Variants in TNFSF13 observed in about 807,000 individuals in gnomAD.
TNFSF13 encodes the protein TNF superfamily member 13.
In TNFSF13, 18 loss-of-function variants were observed where a neutral mutation model predicts 30.7. That is an observed-to-expected ratio of 0.59 (90% CI 0.41 to 0.87). The LOEUF is 0.87. Ranked by LOEUF, TNFSF13 falls within the 40% of genes least tolerant of loss-of-function variation. The pLI is 0.00. For missense variants in TNFSF13, 286 were observed against 308.8 expected (o/e 0.93, Z 0.55); for synonymous variants, 116 against 123.2 (o/e 0.94, Z 0.39).
chr17:7,558,422 G>C (rs1051133871), upstream of TNFSF13: 2 of 152,212 alleles, frequency 1.3e-5, no homozygotes, highest in African/African-American at 4.8e-5. This position sits in a 1 kb window ranked among gnomAD's most constrained non-coding sequence, Gnocchi z 4.3. Context: ...GCCAATTTCA[G>C]CACAGGGAGT....
chr17:7,560,324 TC>T, intron 4 of TNFSF13, 25 bp from the exon 5 acceptor site: 5 of 1,612,292 alleles, frequency 3.1e-6, no homozygotes, highest in Non-Finnish European at 4.2e-6. Flanking sequence ...CATCCTGTTT[TC>T]TTCAACATCT....
chr17:7,560,926 T>G lies in TNFSF13; in HGVS notation c.*93T>G. On this transcript the variant is annotated 3_prime_UTR_variant, in exon 6 of 6. Coordinates refer to ENST00000338784, the MANE Select transcript of TNFSF13 (RefSeq NM_003808.4). ...CTGAGTATATAAAGGAGAGGGAATG[T>G]GCAGGAACAGAGGCGTCTTCCTGGG... 3 of 1,614,178 alleles carry G rather than the reference T, an allele frequency of 1.9e-6. No individual in the cohort carries two copies. The highest frequency in any genetic ancestry group is 2.5e-6 in the Non-Finnish European group (3 of 1,180,026).
In TNFSF13 at chr17:7,559,411, CAG is replaced by C; in HGVS notation, c.258+115_258+116del. On this transcript the variant is annotated intron_variant, in intron 1 of 5. Transcript: ENST00000338784. The surrounding 1 kb of genome is among the most constrained non-coding windows in gnomAD (Gnocchi z 5.4). The stretch of plus-strand genomic sequence containing the variant: ...AAGAGAGGGTCTCCGGTTTGGAAGT[CAG>C]GGGCGCGGCCATTCCAGGAAAGGAA... 6.9e-7 allele frequency: 1 copy of C among 1,443,644 alleles called. No individual in the cohort carries two copies. The highest frequency in any genetic ancestry group is 9.2e-7 in the Non-Finnish European group (1 of 1,090,626). The allele number at this position is 1,443,644 out of a possible 1,614,324, so 89.4% of individuals were successfully genotyped here.
At position 7,561,110 on chromosome 17, in the gene TNFSF13, G is replaced by C; in HGVS notation, c.*277G>C. The C allele has an allele frequency of 1.3e-6, 2 of 1,569,408 alleles. No individual in the cohort carries two copies. Among genetic ancestry groups the C allele is most frequent in the Non-Finnish European group, 1.7e-6 (2 of 1,144,976 alleles). On this transcript the variant is annotated 3_prime_UTR_variant, in exon 6 of 6. Coordinates refer to ENST00000338784, the MANE Select transcript of TNFSF13 (RefSeq NM_003808.4). The surrounding 1 kb of genome is among the most constrained non-coding windows in gnomAD (Gnocchi z 4.4). ...CCAGGCATTGTCCAGACCTGGTCGG[G>C]GCCCACTGGAAGCATCCAGAACAGC... is the stretch of plus-strand genomic sequence containing the variant.
chr17:7,560,217 A>G (rs775995631), intron 4 of TNFSF13, 50 bp downstream of exon 4: 2 of 1,613,002 alleles, frequency 1.2e-6, no homozygotes, highest in South Asian at 1.1e-5. Context: ...TTGGCCCCCT[A>G]CTGAGGGTTC....
At position 7,560,087 on chromosome 17, in the gene TNFSF13, C is replaced by T. The variant is rs1267189226; in HGVS notation, c.424C>T (p.Leu142Phe). 2.5e-6 allele frequency: 4 copies of T among 1,614,136 alleles called. No individual in the cohort carries two copies. Among genetic ancestry groups the T allele is most frequent in the African/African-American group, 2.7e-5 (2 of 75,030 alleles). Residue 142 changes from leucine to phenylalanine, a missense_variant, in exon 4 of 6, where the codon CTT becomes TTT. Coordinates refer to ENST00000338784, the MANE Select transcript of TNFSF13 (RefSeq NM_003808.4). ...GACAGAGGTGATGTGGCAACCAGCT[C>T]TTAGGCGTGGGAGAGGCCTACAGGC... ...DVTEVMWQPA[L>F]RRGRGLQAQG...
In TNFSF13 at chr17:7,559,750, G is replaced by A; in HGVS notation, c.337+48G>A. On this transcript the variant is annotated intron_variant, in intron 2 of 5. Transcript: ENST00000338784. This position sits in a 1 kb window ranked among gnomAD's most constrained non-coding sequence, Gnocchi z 5.4. ...GGGGTGGGAGGTGATCAAGCAGCGT[G>A]GGGATTGTAAGCCCGAGTCAGGGTG... 1 of 1,613,916 alleles carries A rather than the reference G, an allele frequency of 6.2e-7. No individual in the cohort carries two copies. Among genetic ancestry groups the A allele is most frequent in the Non-Finnish European group, 8.5e-7 (1 of 1,179,874 alleles).
Position 7,559,952 on chromosome 17 carries a change from G to A in TNFSF13, c.385+59G>A. ...GGGCAATAACCAGGAACTCGGGCTG[G>A]CACTTGGGCTCAAGGGGTCCTTATA... On this transcript the variant is annotated intron_variant, in intron 3 of 5. Transcript: ENST00000338784. This position sits in a 1 kb window ranked among gnomAD's most constrained non-coding sequence, Gnocchi z 5.4. 3.1e-6 allele frequency: 5 copies of A among 1,613,876 alleles called. No individual in the cohort carries two copies. The highest frequency in any genetic ancestry group is 4.2e-6 in the Non-Finnish European group (5 of 1,179,988).
At position 7,559,424 on chromosome 17, in the gene TNFSF13, A is replaced by G; in HGVS notation, c.258+127A>G. The G allele has an allele frequency of 7.0e-7, 1 of 1,428,488 alleles. No homozygotes were observed. The highest frequency in any genetic ancestry group is 9.3e-7 in the Non-Finnish European group (1 of 1,077,910). The allele number at this position is 1,428,488 out of a possible 1,614,324, so 88.5% of individuals were successfully genotyped here. ...CGGTTTGGAAGTCAGGGGCGCGGCC[A>G]TTCCAGGAAAGGAAACTGTTAAAGG... On this transcript the variant is annotated intron_variant, in intron 1 of 5. Transcript: ENST00000338784. This position sits in a 1 kb window ranked among gnomAD's most constrained non-coding sequence, Gnocchi z 5.4.
intron 5 of TNFSF13, 66 bp from the exon 6 acceptor site, chr17:7,560,658 G>A: frequency 1.9e-6 from 3 of 1,612,844 alleles, no homozygotes; most frequent in Non-Finnish European, 2.5e-6. Flanking sequence ...GCTGGAGAAG[G>A]CAGGGGGAAA....
chr17:7,560,178 C>A lies in TNFSF13; in HGVS notation c.504+11C>A. The A allele has an allele frequency of 5.6e-6, 9 of 1,613,930 alleles. No homozygotes were observed. Among genetic ancestry groups the A allele is most frequent in the South Asian group, 3.3e-5 (3 of 91,060 alleles). ...CTGCTGTATAGCCAGGTAACCCCAG[C>A]CACACTCTGAGCTTCACAGAGGGCC... On this transcript the variant is annotated intron_variant, in intron 4 of 5. Transcript: ENST00000338784.
Position 7,560,037 on chromosome 17 carries a change from T to A in TNFSF13, c.386-12T>A. ...TGCCAAGAAGTCCTGACCGACACACTCTCACCTCCAGATGACTCCGATGTG... is the reference window on the plus strand; with the variant it reads ...TGCCAAGAAGTCCTGACCGACACACACTCACCTCCAGATGACTCCGATGTG... On this transcript the variant is annotated splice_polypyrimidine_tract_variant and intron_variant, in intron 3 of 5. Coordinates refer to ENST00000338784, the MANE Select transcript of TNFSF13 (RefSeq NM_003808.4). 1 of 1,614,012 alleles carries A rather than the reference T, an allele frequency of 6.2e-7. No homozygotes were observed.
rs372033281 is a variant in TNFSF13 at position 7,560,057 on chromosome 17, G to T, written c.394G>T (p.Asp132Tyr). Residue 132 changes from aspartate (D) to tyrosine (Y), a missense_variant, in exon 4 of 6, where the codon GAT (aspartate) becomes TAT (tyrosine). Transcript: ENST00000338784. The part of the protein sequence containing the change: ...PINATSKDDS[D>Y]VTEVMWQPAL... ...CACACTCTCACCTCCAGATGACTCC[G>T]ATGTGACAGAGGTGATGTGGCAACC... is the stretch of plus-strand genomic sequence containing the variant. 29 of 1,614,136 alleles carry T rather than the reference G, an allele frequency of 1.8e-5. 1 individual carries two copies. The South Asian group carries it at 2.9e-4, about 16-fold the overall frequency.
Position 7,561,152 on chromosome 17 carries a change from C to T in TNFSF13, c.*319C>T, listed in dbSNP as rs2071196958. The stretch of plus-strand genomic sequence containing the variant: ...CAGAACAGCACCACCATCTAGCGGC[C>T]GCTCGAGGGAAGCACCCGCCGGTTG... On this transcript the variant is annotated 3_prime_UTR_variant, in exon 6 of 6. Transcript: ENST00000338784. This position sits in a 1 kb window ranked among gnomAD's most constrained non-coding sequence, Gnocchi z 4.4. The T allele has an allele frequency of 7.5e-7, 1 of 1,338,328 alleles. No individual in the cohort carries two copies. The highest frequency in any genetic ancestry group is 2.0e-5 in the Admixed American group (1 of 49,626). 82.9% of individuals were successfully genotyped at this position (1,338,328 alleles called of 1,614,324 possible).
Position 7,558,960 on chromosome 17 carries a change from C to A in TNFSF13, c.-80C>A. 7.0e-7 allele frequency: 1 copy of A among 1,434,760 alleles called. No homozygotes were observed. Among genetic ancestry groups the A allele is most frequent in the Non-Finnish European group, 9.2e-7 (1 of 1,082,534 alleles). The allele number at this position is 1,434,760 out of a possible 1,614,324, so 88.9% of individuals were successfully genotyped here. ...AACAACCTTCTTCCCTTCTGCACCA[C>A]TGCCCGTACCCTTACCCGCCCCGCC... is the stretch of plus-strand genomic sequence containing the variant. On this transcript the variant is annotated 5_prime_UTR_variant, in exon 1 of 6. The change creates a new upstream start codon in the 5' untranslated region. Transcript: ENST00000338784. This position sits in a 1 kb window ranked among gnomAD's most constrained non-coding sequence, Gnocchi z 4.3.
rs1378864456 is a variant in TNFSF13 at position 7,559,876 on chromosome 17, T to C, written c.368T>C (p.Ile123Thr). ...KQHSVLHLVP[I>T]NATSKDDSDV... is the part of the protein sequence containing the mutation. The stretch of plus-strand genomic sequence containing the variant: ...CACTCTGTCCTGCACCTGGTTCCCA[T>C]TAACGCCACCTCCAAGGGTGAGCAC... Residue 123 changes from isoleucine to threonine, a missense_variant, in exon 3 of 6, where the codon ATT becomes ACT. By Grantham distance (89) the Ile-to-Thr change is moderately conservative. Transcript: ENST00000338784. The surrounding 1 kb of genome is among the most constrained non-coding windows in gnomAD (Gnocchi z 5.4). 5.0e-6 allele frequency: 8 copies of C among 1,613,976 alleles called. No individual in the cohort carries two copies. The highest frequency in any genetic ancestry group is 5.9e-6 in the Non-Finnish European group (7 of 1,180,016).
chr17:7,560,552 T>C, intron 5 of TNFSF13, 64 bp downstream of exon 5: 1 of 1,611,550 alleles, frequency 6.2e-7, no homozygotes, highest in East Asian at 2.2e-5. Flanking sequence ...TGCAGGGAGC[T>C]ACCGCTAGGA....
At position 7,559,569 on chromosome 17, in the gene TNFSF13, G is replaced by A. The variant is rs1244574042; in HGVS notation, c.259-55G>A. On this transcript the variant is annotated intron_variant, in intron 1 of 5. Coordinates refer to ENST00000338784, the MANE Select transcript of TNFSF13 (RefSeq NM_003808.4). The surrounding 1 kb of genome is among the most constrained non-coding windows in gnomAD (Gnocchi z 5.4). ...GGGGCAGGGGAGGGCTGGGAAGGCA[G>A]GCTGGCTGGGACCCTCGCATCTTAA... is the stretch of plus-strand genomic sequence containing the variant. 2 of 1,588,756 alleles carry A rather than the reference G, an allele frequency of 1.3e-6. No individual in the cohort carries two copies. Among genetic ancestry groups the A allele is most frequent in the Non-Finnish European group, 1.7e-6 (2 of 1,166,768 alleles).
chr17:7,560,991 C>A lies in TNFSF13; in HGVS notation c.*158C>A. On this transcript the variant is annotated 3_prime_UTR_variant, in exon 6 of 6. Transcript: ENST00000338784. Reference sequence around the variant, plus strand: ...CCTCACTTTTCCCTTTTCATTCCCACCCCCTAGACTTTGATTTTACGGATA... The same window carrying A: ...CCTCACTTTTCCCTTTTCATTCCCAACCCCTAGACTTTGATTTTACGGATA... The A allele has an allele frequency of 6.2e-7, 1 of 1,614,190 alleles. No homozygotes were observed. The highest frequency in any genetic ancestry group is 2.2e-5 in the East Asian group (1 of 44,892).
Sources: gnomAD v4.1 joint callset for allele counts on GRCh38, gnomAD v4.1.1 for gene constraint, Gnocchi (gnomAD v3.1) non-coding constraint, MANE v1.5 for transcripts, NCBI Gene and HGNC (gene_info 2026-07-23, HGNC 2026-07-21) for gene names.